Variants in TUSC3 observed in about 807,000 individuals in gnomAD.
TUSC3 encodes the protein dolichyl-diphosphooligosaccharide--protein glycosyltransferase subunit TUSC3.
In TUSC3, 45 loss-of-function variants were observed where a neutral mutation model predicts 44.8. That is an observed-to-expected ratio of 1.00 (90% CI 0.79 to 1.29). TUSC3 has a LOEUF of 1.29. Among genes scored for constraint, TUSC3 ranks in the 50% most tolerant of loss-of-function variants. The pLI is 0.00. For missense variants in TUSC3, 519 were observed against 437.9 expected (o/e 1.19, Z -1.65); for synonymous variants, 212 against 152.9 (o/e 1.39, Z -2.85).
At chr8:15,760,545 C>G (rs538050492) in intron 10 of TUSC3, among the ~76,000 whole-genome samples, 1 of 152,118 alleles carries the variant, frequency 6.6e-6, no homozygotes, top group East Asian at 1.9e-4. Context: ...ATCCTACAAA[C>G]TAAGAATGGC....
chr8:15,837,337 T>C, the TUSC3 span, among the ~76,000 whole-genome samples: 1 of 152,192 alleles, frequency 6.6e-6, no homozygotes, highest in African/African-American at 2.4e-5. Context: ...TCAAGAGCTT[T>C]ATTGTACTAC....
intron 1 of TUSC3, among the ~76,000 whole-genome samples, chr8:15,476,201 C>G (rs1043482832): frequency 1.1e-4 from 17 of 152,114 alleles, no homozygotes; most frequent in African/African-American, 4.1e-4. Flanking sequence ...ATTTTTAAAA[C>G]CAAGTAATGT....
At chr8:15,773,929 G>A in the TUSC3 span, among the ~76,000 whole-genome samples, 1 of 152,014 alleles carries the variant, frequency 6.6e-6, no homozygotes, top group African/African-American at 2.4e-5. Context: ...TAAACTTAAG[G>A]GCTAAAATTA....
At chr8:15,806,770 C>G in the TUSC3 span, 1 of 793,298 alleles carries the variant, frequency 1.3e-6, no homozygotes, top group Non-Finnish European at 2.1e-6. Context: ...CACCTGCATT[C>G]TGAATTCATT....
intron 9 of TUSC3, among the ~76,000 whole-genome samples, chr8:15,754,685 T>A (rs1811848792): frequency 6.6e-6 from 1 of 152,190 alleles, no homozygotes; most frequent in Non-Finnish European, 1.5e-5. Context: ...CCTCAGTGTC[T>A]TCGTTTTGCA....
chr8:15,677,143 A>G (rs1302564835), intron 6 of TUSC3, among the ~76,000 whole-genome samples: 1 of 151,940 alleles, frequency 6.6e-6, no homozygotes, highest in Non-Finnish European at 1.5e-5. Flanking sequence ...TCAGTGCCCT[A>G]AGTACCTCGG....
chr8:15,787,370 T>C, the TUSC3 span, among the ~76,000 whole-genome samples: 2 of 152,174 alleles, frequency 1.3e-5, no homozygotes, highest in African/African-American at 4.8e-5. Flanking sequence ...GAATATAAAA[T>C]GCAATGAAAA....
At chr8:15,620,906 G>A (rs780447505) in intron 1 of TUSC3, among the ~76,000 whole-genome samples, 2 of 152,028 alleles carry the variant, frequency 1.3e-5, no homozygotes, top group Non-Finnish European at 2.9e-5. Context: ...TACATATTTG[G>A]TATAAATGGG....
At chr8:15,617,733 G>C (rs752753154) in intron 1 of TUSC3, among the ~76,000 whole-genome samples, 8 of 152,134 alleles carry the variant, frequency 5.3e-5, no homozygotes, top group Admixed American at 2.6e-4. Context: ...CCAAAGTTAT[G>C]TTTACGTTAG....
intron 9 of TUSC3, among the ~76,000 whole-genome samples, chr8:15,755,954 G>T (rs1012941637): frequency 6.6e-6 from 1 of 152,098 alleles, no homozygotes; most frequent in Non-Finnish European, 1.5e-5. Context: ...TCCTTTAGAA[G>T]ATGTCTGTAG....
chr8:15,440,534 CA>C (rs1800007518), intron 1 of TUSC3, among the ~76,000 whole-genome samples: 2 of 152,208 alleles, frequency 1.3e-5, no homozygotes, highest in African/African-American at 4.8e-5. Flanking sequence ...TGGGAGGGGC[CA>C]GAGGAGAATC....
chr8:15,428,766 G>T (rs573972572), intron 1 of TUSC3, among the ~76,000 whole-genome samples: 137 of 151,992 alleles, frequency 9.0e-4, no homozygotes, highest in African/African-American at 2.8e-3. Flanking sequence ...CATAAATGTC[G>T]TCTTTTGAGA....
At chr8:15,467,878 C>G (rs902631927) in intron 1 of TUSC3, among the ~76,000 whole-genome samples, 1 of 152,094 alleles carries the variant, frequency 6.6e-6, no homozygotes, top group East Asian at 1.9e-4. Context: ...TAATATTCTA[C>G]TTAGAATTCA....
At chr8:15,719,924 G>A (rs1196265029) in intron 6 of TUSC3, among the ~76,000 whole-genome samples, 2 of 151,986 alleles carry the variant, frequency 1.3e-5, no homozygotes, top group Non-Finnish European at 2.9e-5. Flanking sequence ...ATAAAGGTTT[G>A]TGTTTGTTTT....
chr8:15,701,980 G>A (rs1809425602), intron 6 of TUSC3, among the ~76,000 whole-genome samples: 2 of 152,086 alleles, frequency 1.3e-5, no homozygotes, highest in South Asian at 4.1e-4. Flanking sequence ...TGACACAGAT[G>A]GTCTCAGTTC....
At chr8:15,732,565 GA>G (rs35902991) in intron 7 of TUSC3, among the ~76,000 whole-genome samples, 56,831 of 149,976 alleles carry the variant, frequency 0.38, 11,301 homozygotes, top group East Asian at 0.55. Flanking sequence ...AGATGACCAG[GA>G]AAAAAAAAAT....
chr8:15,450,352 G>A (rs561517373), intron 1 of TUSC3, among the ~76,000 whole-genome samples: 3 of 152,150 alleles, frequency 2.0e-5, no homozygotes, highest in African/African-American at 7.2e-5. Flanking sequence ...GGTAAATTGA[G>A]TTTTTAGGGC....
intron 1 of TUSC3, among the ~76,000 whole-genome samples, chr8:15,544,212 G>T (rs1801786030): frequency 6.6e-6 from 1 of 151,970 alleles, no homozygotes; most frequent in Non-Finnish European, 1.5e-5. Context: ...CCTATCTAGT[G>T]CATCTTGTGT....
chr8:15,573,174 C>CTCTG (rs1744257876), intron 1 of TUSC3, among the ~76,000 whole-genome samples: 1 of 75,396 alleles, frequency 1.3e-5, no homozygotes, highest in Non-Finnish European at 2.7e-5. Context: ...CTCTTTCTCT[C>CTCTG]TCTCTCTCTC....
Sources: gnomAD v4.1 joint callset for allele counts (sites outside exome capture counted in the v4.1 genomes callset) on GRCh38, gnomAD v4.1.1 for gene constraint, MANE v1.5 for transcripts, NCBI Gene and HGNC (gene_info 2026-07-23, HGNC 2026-07-21) for gene names.